Variants in C3 observed in about 807,000 individuals in gnomAD.
C3 encodes the protein C3 and PZP-like alpha-2-macroglobulin domain-containing protein 1.
Under a neutral mutation model 207.9 loss-of-function variants are expected in C3, and 97 were observed. The ratio of observed to expected loss-of-function variants is 0.47; its 90% CI spans 0.40 to 0.55. C3 has a LOEUF of 0.55. Among genes scored for constraint, C3 ranks in the 20% least tolerant of loss-of-function variants. The probability of loss-of-function intolerance (pLI) is 0.00; values close to 1 mark genes in which losing one functional copy is unlikely to be tolerated. For missense variants in C3, 1,684 were observed against 2,171.7 expected, an observed-to-expected ratio of 0.78 and a Z score of 4.46; for synonymous variants, 848 against 857.6, an observed-to-expected ratio of 0.99 and a Z score of 0.20.
At chr19:6,681,830 G>T (rs1917869583) in intron 35 of C3, 111 bp downstream of exon 35, 1 of 843,056 alleles carries the variant, frequency 1.2e-6, no homozygotes. Context: ...GTCTCCTCTG[G>T]CCCAGGGTTA....
intron 19 of C3, among the ~76,000 whole-genome samples, chr19:6,701,099 C>T (rs190390055): frequency 2.1e-3 from 318 of 151,992 alleles, no homozygotes; most frequent in Non-Finnish European, 3.0e-3. Flanking sequence ...TGGCAGTCAG[C>T]GAAAAGGACG....
Position 6,696,660 on chromosome 19 carries a change from C to T in C3, c.2797-1G>A, listed in dbSNP as rs1466336311. 1 of 1,613,912 alleles carries T rather than the reference C, an allele frequency of 6.2e-7. No individual in the cohort carries two copies. The highest frequency in any genetic ancestry group is 8.5e-7 in the Non-Finnish European group (1 of 1,179,870). ...TTTTGTTCATTCTGATTCCTTCCGG[C>T]TACGCAGTGTTAGAGGTGGGGGGAG... On this transcript the variant is annotated splice_acceptor_variant, in intron 21 of 40. Transcript: ENST00000245907. LOFTEE classifies it high-confidence loss of function.
At chr19:6,678,089 G>A in intron 40 of C3, 63 bp downstream of exon 40, 2 of 1,614,104 alleles carry the variant, frequency 1.2e-6, no homozygotes, top group Non-Finnish European at 8.5e-7. Flanking sequence ...CGTGACAATG[G>A]TGTGGGCGTG....
chr19:6,679,706 G>A (rs544200318), intron 36 of C3, among the ~76,000 whole-genome samples: 1 of 151,962 alleles, frequency 6.6e-6, no homozygotes, highest in Non-Finnish European at 1.5e-5. Context: ...ACTCACAGAA[G>A]CCTGGGACCC....
At position 6,696,292 on chromosome 19, in the gene C3, C is replaced by G. The variant is rs551406183; in HGVS notation, c.2950+87G>C. 1.8e-5 allele frequency: 14 copies of G among 771,778 alleles called. No individual in the cohort carries two copies. In the Admixed American group the frequency reaches 2.8e-4, roughly 15 times the overall value. 47.8% of individuals were successfully genotyped at this position (771,778 alleles called of 1,614,324 possible). A position where few individuals can be genotyped will look rare whatever the true frequency, so the allele number is the denominator to read the frequency against. ...CTAGCTGAAGGGGAAGAGAAAGGTG[C>G]GGGTTAAACACCTCCAGAATGAGAT... On this transcript the variant is annotated intron_variant, in intron 23 of 40. Coordinates refer to ENST00000245907, the MANE Select transcript of C3 (RefSeq NM_000064.4).
At chr19:6,693,538 G>T in intron 24 of C3, 51 bp from the exon 25 acceptor site, 1 of 1,549,798 alleles carries the variant, frequency 6.5e-7, no homozygotes, top group South Asian at 1.2e-5. Flanking sequence ...GAGCAGAGGG[G>T]GCACGCCAGA....
intron 29 of C3, among the ~76,000 whole-genome samples, chr19:6,685,847 G>C (rs935833360): frequency 6.6e-6 from 1 of 152,230 alleles, no homozygotes; most frequent in Admixed American, 6.5e-5. Context: ...ACCAGGTGGA[G>C]AGAGAGGCTT....
Position 6,709,829 on chromosome 19 carries a change from C to T in C3, c.1700G>A (p.Ser567Asn). The change falls in exon 14 of 41, where the codon AGC (serine) becomes AAC (asparagine). Residue 567 changes from serine (S) to asparagine (N), a missense_variant. This residue lies in a region of C3 where 1,280 missense variants were observed against 1,739.1 expected (regional missense o/e 0.74). Transcript: ENST00000245907. ...AGGCTGCCGGTCTTCTGACTGGCCG[C>T]TTTTTACCACCAGCTGTGGGGAGGG... is the stretch of plus-strand genomic sequence containing the variant. ...DSCVGSLVVKSGQSEDRQPVP... is the reference protein window; with the variant it reads ...DSCVGSLVVKNGQSEDRQPVP... The T allele has an allele frequency of 6.2e-7, 1 of 1,613,848 alleles. No individual in the cohort carries two copies. Among genetic ancestry groups the T allele is most frequent in the Non-Finnish European group, 8.5e-7 (1 of 1,180,024 alleles).
chr19:6,706,807 G>A (rs1459477445), intron 17 of C3, among the ~76,000 whole-genome samples: 21 of 118,124 alleles, frequency 1.8e-4, no homozygotes, highest in Non-Finnish European at 2.9e-4. Context: ...CTCCTCAGAC[G>A]GGGACCTCCT....
At chr19:6,682,677 C>T (rs895889805) in intron 33 of C3, 3 of 209,296 alleles carry the variant, frequency 1.4e-5, no homozygotes, top group East Asian at 1.1e-4. Flanking sequence ...CTAGAAATCA[C>T]GACATAAATA....
At chr19:6,711,536 G>A (rs964077557) in intron 11 of C3, among the ~76,000 whole-genome samples, 5 of 152,106 alleles carry the variant, frequency 3.3e-5, no homozygotes, top group Admixed American at 6.6e-5. Flanking sequence ...GCAAGGGAGC[G>A]AACTTTCCCC....
intron 38 of C3, among the ~76,000 whole-genome samples, chr19:6,678,880 C>A (rs11671205): frequency 6.6e-6 from 1 of 152,228 alleles, no homozygotes; most frequent in East Asian, 1.9e-4. Flanking sequence ...CAACTACAAC[C>A]TCACAGCCAC....
chr19:6,717,746 T>TGG, intron 4 of C3: 1 of 348,220 alleles, frequency 2.9e-6, no homozygotes, highest in Non-Finnish European at 5.1e-6. Flanking sequence ...TTGTGTGTTG[T>TGG]GTGTGTGGTC....
intron 17 of C3, 94 bp from the exon 18 acceptor site, chr19:6,702,673 G>A (rs1187825159): frequency 3.5e-6 from 3 of 856,744 alleles, no homozygotes; most frequent in Non-Finnish European, 6.1e-6. Flanking sequence ...CAAGGCAGGT[G>A]GATCACTTGA....
Position 6,711,214 on chromosome 19 carries a change from G to A in C3, c.1270-18C>T, listed in dbSNP as rs775238893. ...GTGCGCACCTGGGTGGGGAAAGAGG[G>A]ATGCCTGCTGGTCGCCGCCCGAGGA... On this transcript the variant is annotated intron_variant, in intron 11 of 40. Coordinates refer to ENST00000245907, the MANE Select transcript of C3 (RefSeq NM_000064.4). 2.5e-6 allele frequency: 4 copies of A among 1,606,644 alleles called. No individual in the cohort carries two copies. The highest frequency in any genetic ancestry group is 3.4e-6 in the Non-Finnish European group (4 of 1,177,558).
chr19:6,714,021 C>G lies in C3; in HGVS notation c.744G>C (p.Glu248Asp), dbSNP rs1305470894. The change falls in exon 7 of 41, where the codon GAG becomes GAC. Residue 248 changes from glutamate (E) to aspartate (D), a missense_variant. Physicochemically the swap from Glu to Asp is conservative, Grantham distance 45. This residue lies in a region of C3 where 1,280 missense variants were observed against 1,739.1 expected (regional missense o/e 0.74). Coordinates refer to ENST00000245907, the MANE Select transcript of C3 (RefSeq NM_000064.4). The part of the protein sequence containing the change: ...PTEKFYYIYN[E>D]KGLEVTITAR... ...CGGTGATGGTGACCTCCAGGCCCTT[C>G]TCGTTATAGATGTAGTAGAATTTCT... The G allele has an allele frequency of 3.1e-6, 5 of 1,610,456 alleles. No homozygotes were observed. The highest frequency in any genetic ancestry group is 1.6e-4 in the Middle Eastern group (1 of 6,080).
chr19:6,697,904 C>A, intron 19 of C3, 110 bp from the exon 20 acceptor site: 1 of 1,051,254 alleles, frequency 9.5e-7, no homozygotes, highest in Non-Finnish European at 1.4e-6. Flanking sequence ...CTAACTCAGC[C>A]TGTCTTTGCT....
intron 26 of C3, among the ~76,000 whole-genome samples, chr19:6,692,319 G>A (rs1918189341): frequency 6.6e-6 from 1 of 152,220 alleles, no homozygotes; most frequent in Non-Finnish European, 1.5e-5. Flanking sequence ...CCGCTGGTCT[G>A]AGGATCACAC....
At chr19:6,681,917 CA>C in intron 35 of C3, 23 bp downstream of exon 35, 1 of 1,590,122 alleles carries the variant, frequency 6.3e-7, no homozygotes, top group Non-Finnish European at 8.6e-7. Flanking sequence ...GGAAGCCTCC[CA>C]GGGGAGGATG....
Sources: gnomAD v4.1 joint callset for allele counts (sites outside exome capture counted in the v4.1 genomes callset) on GRCh38, gnomAD v4.1.1 for gene constraint, gnomAD v4.1.1 regional missense constraint, MANE v1.5 for transcripts, NCBI Gene and HGNC (gene_info 2026-07-23, HGNC 2026-07-21) for gene names.